The following KLHL4 variants were observed in gnomAD, a reference collection of about 807,000 sequenced individuals.
KLHL4 encodes the protein kelch-like protein 4.
A neutral mutation model predicts 45.8 loss-of-function variants in KLHL4; 17 were observed. The observed-to-expected ratio is 0.37, with a 90% CI of 0.25 to 0.56. KLHL4 has a LOEUF of 0.56. Ranked by LOEUF, KLHL4 falls within the 20% of genes least tolerant of loss-of-function variation. The probability of loss-of-function intolerance (pLI) is 0.79; values close to 1 mark genes in which losing one functional copy is unlikely to be tolerated. For missense variants in KLHL4, 544 were observed against 544.9 expected (o/e 1.00, Z 0.02); for synonymous variants, 224 against 189.9 (o/e 1.18, Z -1.47).
chrX:87,518,106 C>T lies in KLHL4; in HGVS notation c.213C>T (p.His71=), dbSNP rs777461501. 2.5e-6 allele frequency: 3 copies of T among 1,211,742 alleles called. No homozygotes were observed. Among genetic ancestry groups the T allele is most frequent in the Non-Finnish European group, 3.4e-6 (3 of 895,449 alleles). Reference sequence around the variant, plus strand: ...AGAAAAGCAACAGTCCTGTCCACCACAATATACTGGCACCAGTGCCAGGAC... The same window carrying T: ...AGAAAAGCAACAGTCCTGTCCACCATAATATACTGGCACCAGTGCCAGGAC... ...GLKKSNSPVH[H]NILAPVPGPA... is the part of the protein sequence containing the mutation. Residue 71 remains histidine (H), a synonymous_variant, in exon 1 of 11, where the codon CAC becomes CAT. Transcript: ENST00000373119.
intron 10 of KLHL4, among the ~76,000 whole-genome samples, chrX:87,665,420 C>T (rs1178061225): frequency 9.0e-6 from 1 of 110,750 alleles, no homozygotes. Context: ...GACTGCAATA[C>T]TCCTAAATTC....
At chrX:87,615,782 G>T (rs942411059) in intron 3 of KLHL4, among the ~76,000 whole-genome samples, 1 of 111,196 alleles carries the variant, frequency 9.0e-6, no homozygotes, top group African/African-American at 3.3e-5. Flanking sequence ...AAAAAAAATT[G>T]TAGAGGCAGA....
chrX:87,573,541 TG>T (rs1304315228), intron 1 of KLHL4, among the ~76,000 whole-genome samples: 1 of 111,145 alleles, frequency 9.0e-6, no homozygotes, highest in African/African-American at 3.3e-5. Context: ...ATTTAGTTGA[TG>T]GGGGCGCATA....
chrX:87,543,278 A>T, intron 1 of KLHL4, among the ~76,000 whole-genome samples: 1 of 111,655 alleles, frequency 9.0e-6, no homozygotes, highest in Non-Finnish European at 1.9e-5. Flanking sequence ...CAGTTTTGGA[A>T]AAATAGAAGG....
chrX:87,658,561 A>C (rs1386413666), intron 9 of KLHL4, among the ~76,000 whole-genome samples: 2 of 111,040 alleles, frequency 1.8e-5, no homozygotes, highest in Non-Finnish European at 3.8e-5. Flanking sequence ...CCCAGTGGGA[A>C]TGTGTATTGT....
intron 1 of KLHL4, among the ~76,000 whole-genome samples, chrX:87,562,298 A>G (rs996109448): frequency 1.8e-5 from 2 of 109,864 alleles, no homozygotes; most frequent in Admixed American, 2.0e-4. Flanking sequence ...TAAAATCAAC[A>G]AGCAAACTCT....
intron 1 of KLHL4, among the ~76,000 whole-genome samples, chrX:87,571,785 A>G: frequency 9.0e-6 from 1 of 110,996 alleles, no homozygotes; most frequent in Admixed American, 9.6e-5. Context: ...GTCAATTGAT[A>G]TAGAGACATT....
intron 1 of KLHL4, among the ~76,000 whole-genome samples, chrX:87,594,348 T>C (rs1480483536): frequency 1.8e-5 from 2 of 111,844 alleles, no homozygotes; most frequent in Non-Finnish European, 3.8e-5. Context: ...TTCAATGGCC[T>C]CAGAGTGAAG....
chrX:87,541,313 G>A (rs1413338661), intron 1 of KLHL4, among the ~76,000 whole-genome samples: 2 of 107,951 alleles, frequency 1.9e-5, no homozygotes, highest in East Asian at 2.9e-4. Context: ...GGTGAAACCC[G>A]TCTCTACTAA....
At chrX:87,527,475 A>T (rs187419791) in intron 1 of KLHL4, among the ~76,000 whole-genome samples, 1 of 111,268 alleles carries the variant, frequency 9.0e-6, no homozygotes, top group East Asian at 2.9e-4. Flanking sequence ...TAAGCAACCA[A>T]AGCCACGCGA....
intron 1 of KLHL4, among the ~76,000 whole-genome samples, chrX:87,573,867 A>G (rs1921011164): frequency 8.9e-6 from 1 of 111,954 alleles, no homozygotes; most frequent in African/African-American, 3.2e-5. Context: ...CTTCATAGGT[A>G]TAACATAATA....
chrX:87,601,936 G>C (rs1922029510), intron 1 of KLHL4, among the ~76,000 whole-genome samples: 1 of 110,763 alleles, frequency 9.0e-6, no homozygotes, highest in African/African-American at 3.3e-5. Flanking sequence ...AATTCCTATT[G>C]TTTAGTGACA....
chrX:87,530,919 C>T (rs1428175203), intron 1 of KLHL4, among the ~76,000 whole-genome samples: 1 of 110,686 alleles, frequency 9.0e-6, no homozygotes, highest in South Asian at 3.9e-4. Flanking sequence ...TCTCCACATC[C>T]TCTCCAGCAC....
chrX:87,564,134 C>T (rs1049676816), intron 1 of KLHL4, among the ~76,000 whole-genome samples: 13 of 110,700 alleles, frequency 1.2e-4, no homozygotes, highest in African/African-American at 3.9e-4. Context: ...GTAAGTACAC[C>T]GACAAATACA....
intron 1 of KLHL4, among the ~76,000 whole-genome samples, chrX:87,531,294 T>C (rs1468947951): frequency 9.0e-6 from 1 of 110,512 alleles, no homozygotes; most frequent in Non-Finnish European, 1.9e-5. Flanking sequence ...GTCAATTTTG[T>C]CTTTTGTTGC....
intron 1 of KLHL4, among the ~76,000 whole-genome samples, chrX:87,546,409 T>G (rs1282516194): frequency 9.0e-6 from 1 of 111,596 alleles, no homozygotes; most frequent in Non-Finnish European, 1.9e-5. Flanking sequence ...TGCACAGAAG[T>G]CAAAAATAGA....
At chrX:87,653,478 A>G (rs111678468) in intron 9 of KLHL4, among the ~76,000 whole-genome samples, 3 of 112,085 alleles carry the variant, frequency 2.7e-5, no homozygotes, top group African/African-American at 9.7e-5. Context: ...TCAAGAAACA[A>G]TAGATGCTGG....
At chrX:87,649,048 A>G (rs1193259290) in intron 9 of KLHL4, among the ~76,000 whole-genome samples, 2 of 111,659 alleles carry the variant, frequency 1.8e-5, no homozygotes, top group Non-Finnish European at 3.8e-5. Context: ...CATAATAAGG[A>G]TATTTTATTT....
chrX:87,643,293 C>A (rs774752332), intron 9 of KLHL4, among the ~76,000 whole-genome samples: 2 of 111,127 alleles, frequency 1.8e-5, no homozygotes, highest in African/African-American at 6.5e-5. Flanking sequence ...CTCACATAAA[C>A]TAAAAAACCT....
Sources: gnomAD v4.1 joint callset for allele counts (sites outside exome capture counted in the v4.1 genomes callset) on GRCh38, gnomAD v4.1.1 for gene constraint, MANE v1.5 for transcripts, NCBI Gene and HGNC (gene_info 2026-07-23, HGNC 2026-07-21) for gene names.